PLEKHA7: variants seen among roughly 807,000 people sequenced by gnomAD.
The protein encoded by PLEKHA7 is pleckstrin homology domain containing A7.
PLEKHA7 carries 104 observed loss-of-function variants against 170.0 expected under a neutral mutation model. The ratio of observed to expected loss-of-function variants is 0.61; its 90% CI spans 0.52 to 0.72. The LOEUF is 0.72. Ranked by LOEUF, PLEKHA7 falls within the 30% of genes least tolerant of loss-of-function variation. PLEKHA7 has a pLI of 0.00. For synonymous variants in PLEKHA7, 648 were observed against 660.8 expected, an observed-to-expected ratio of 0.98 and a Z score of 0.30; for missense variants, 1,615 against 1,671.7, an observed-to-expected ratio of 0.97 and a Z score of 0.59.
In PLEKHA7 at chr11:16,826,171, T is replaced by C. The variant is rs145747179; in HGVS notation, c.1292A>G (p.Asn431Ser). The change falls in exon 10 of 27, where the codon AAT becomes AGT. Residue 431 changes from asparagine (N) to serine (S), a missense_variant. Coordinates refer to ENST00000531066, the MANE Select transcript of PLEKHA7 (RefSeq NM_001329630.2). ...NPEKHSQRKS[N>S]LAQVEHWARA... Reference sequence around the variant, plus strand: ...TGCCCAGTGCTCCACCTGGGCCAGATTGCTCTTCCTTTGGCTGTGTTTTTC... The same window carrying C: ...TGCCCAGTGCTCCACCTGGGCCAGACTGCTCTTCCTTTGGCTGTGTTTTTC... The C allele has an allele frequency of 5.1e-5, 83 of 1,614,218 alleles. No individual in the cohort carries two copies. In the African/African-American group the frequency reaches 7.6e-4, roughly 15 times the overall value.
At chr11:16,790,250 G>A (rs1847749031) in intron 21 of PLEKHA7, 1 of 262,936 alleles carries the variant, frequency 3.8e-6, no homozygotes, top group African/African-American at 2.2e-5. Flanking sequence ...AGGACAGTGA[G>A]AAGGACACTC....
chr11:16,852,233 T>A lies in PLEKHA7; in HGVS notation c.595+50A>T, dbSNP rs188540244. The A allele has an allele frequency of 6.6e-5, 101 of 1,525,138 alleles. 1 individual carries two copies. In the East Asian group the frequency reaches 2.0e-3, roughly 30 times the overall value. The allele number at this position is 1,525,138 out of a possible 1,614,324, so 94.5% of individuals were successfully genotyped here. A position where few individuals can be genotyped will look rare whatever the true frequency, so the allele number is the denominator to read the frequency against. Reference sequence around the variant, plus strand: ...AACCTGAAGTCACCAACCATCCACATATGTAAAACTGAACACTTCGGCAGG... The same window carrying A: ...AACCTGAAGTCACCAACCATCCACAAATGTAAAACTGAACACTTCGGCAGG... On this transcript the variant is annotated intron_variant, in intron 7 of 26. Coordinates refer to ENST00000531066, the MANE Select transcript of PLEKHA7 (RefSeq NM_001329630.2).
At chr11:16,895,534 G>A (rs1448867929) in intron 3 of PLEKHA7, among the ~76,000 whole-genome samples, 18 of 152,192 alleles carry the variant, frequency 1.2e-4, no homozygotes, top group Admixed American at 1.2e-3. Flanking sequence ...GATGCAGACA[G>A]CAGAGAGAGA....
intron 3 of PLEKHA7, among the ~76,000 whole-genome samples, chr11:16,996,543 C>T (rs887363484): frequency 3.3e-5 from 5 of 152,126 alleles, no homozygotes; most frequent in East Asian, 1.9e-4. Context: ...ATGGGAGAGC[C>T]GGGAAATGCT....
chr11:16,826,738 T>C, intron 9 of PLEKHA7, 148 bp from the exon 10 acceptor site: 1 of 733,770 alleles, frequency 1.4e-6, no homozygotes. Context: ...TCTGCCTGCC[T>C]AACTTCTGCT....
intron 3 of PLEKHA7, among the ~76,000 whole-genome samples, chr11:16,880,393 G>A (rs1452092505): frequency 2.0e-5 from 3 of 152,186 alleles, no homozygotes; most frequent in African/African-American, 7.2e-5. Flanking sequence ...ACTCTGCATT[G>A]TTGTTATAAA....
At position 16,854,909 on chromosome 11, in the gene PLEKHA7, TCAC is replaced by T. The variant is rs776486015; in HGVS notation, c.499_501del (p.Val167del). On this transcript the variant is annotated inframe_deletion, in exon 6 of 27. Transcript: ENST00000531066. The stretch of plus-strand genomic sequence containing the variant: ...CTCACCTGCTTGTGCAGCCAGCCCC[TCAC>T]CACCACGGGAACATTGGGGTTCCTC... 1.3e-5 allele frequency: 21 copies of T among 1,613,958 alleles called. 1 individual carries two copies. The highest frequency in any genetic ancestry group is 8.8e-5 in the South Asian group (8 of 91,072).
In PLEKHA7 at chr11:16,995,501, G is replaced by C. The variant is rs1038902695; in HGVS notation, c.221+18488C>G. On this transcript the variant is annotated intron_variant, in intron 3 of 26. Transcript: ENST00000531066. ...GTCTTCTGAGACTCATCCAGCCCCT[G>C]AACTGCTCCCTCCTGAGTGTTACTC... Among the ~76,000 whole-genome samples, 3 of 152,106 alleles carry C rather than the reference G, an allele frequency of 2.0e-5. 1 individual carries two copies. The highest frequency in any genetic ancestry group is 1.3e-4 in the Admixed American group (2 of 15,264).
chr11:16,866,994 C>A (rs188034282), intron 4 of PLEKHA7, among the ~76,000 whole-genome samples: 5 of 152,018 alleles, frequency 3.3e-5, no homozygotes, highest in African/African-American at 1.2e-4. Flanking sequence ...TTTTTCTTTT[C>A]TTTTATTCCC....
chr11:16,975,081 T>C lies in PLEKHA7; in HGVS notation c.221+38908A>G. 6.1e-6 allele frequency: 4 copies of C among 656,472 alleles called. 2 individuals carry two copies. The highest frequency in any genetic ancestry group is 8.5e-6 in the Non-Finnish European group (4 of 472,768). The allele number at this position is 656,472 out of a possible 1,614,324, so 40.7% of individuals were successfully genotyped here. ...ATATATACTATGTATATATGTACAGTTCTATGAGATTTCATCACATGCATA... is the reference window on the plus strand; with the variant it reads ...ATATATACTATGTATATATGTACAGCTCTATGAGATTTCATCACATGCATA... On this transcript the variant is annotated intron_variant, in intron 3 of 26. Coordinates refer to ENST00000531066, the MANE Select transcript of PLEKHA7 (RefSeq NM_001329630.2).
intron 3 of PLEKHA7, among the ~76,000 whole-genome samples, chr11:16,982,603 T>A (rs4757470): frequency 6.6e-6 from 1 of 152,072 alleles, no homozygotes; most frequent in African/African-American, 2.4e-5. Context: ...TCTAGGCCAA[T>A]GTGAAACCCG....
At chr11:16,793,879 A>C (rs1848026630) in intron 19 of PLEKHA7, among the ~76,000 whole-genome samples, 2 of 152,262 alleles carry the variant, frequency 1.3e-5, no homozygotes, top group Non-Finnish European at 2.9e-5. Flanking sequence ...ATAAAAGAGA[A>C]GGGCCAGGAG....
intron 13 of PLEKHA7, among the ~76,000 whole-genome samples, chr11:16,804,343 C>T (rs1446012557): frequency 1.3e-5 from 2 of 152,190 alleles, no homozygotes; most frequent in African/African-American, 4.8e-5. Flanking sequence ...GGACCGATAG[C>T]TGCTGGAGAG....
At chr11:16,907,406 C>T (rs12287641) in intron 3 of PLEKHA7, among the ~76,000 whole-genome samples, 248 of 132,550 alleles carry the variant, frequency 1.9e-3, no homozygotes, top group African/African-American at 6.6e-3. Context: ...GCCCCCCGCC[C>T]GGCCAGCCGC....
intron 3 of PLEKHA7, among the ~76,000 whole-genome samples, chr11:16,873,612 CAT>C (rs1181262401): frequency 9.9e-5 from 15 of 152,204 alleles, no homozygotes; most frequent in Non-Finnish European, 1.0e-4. Flanking sequence ...ATTCTTAACA[CAT>C]GTTTTAAAAA....
intron 13 of PLEKHA7, among the ~76,000 whole-genome samples, chr11:16,811,305 C>T (rs890427061): frequency 6.6e-6 from 1 of 152,194 alleles, no homozygotes; most frequent in Non-Finnish European, 1.5e-5. Context: ...GTGTTTTATA[C>T]TCACCTGTGC....
chr11:16,814,729 T>C (rs1270514009), intron 12 of PLEKHA7, among the ~76,000 whole-genome samples: 2 of 152,210 alleles, frequency 1.3e-5, no homozygotes, highest in East Asian at 1.9e-4. Flanking sequence ...TCCAGCTTAC[T>C]GTGAGGTTCA....
At chr11:16,832,498 T>A (rs1851196977) in intron 9 of PLEKHA7, among the ~76,000 whole-genome samples, 1 of 152,230 alleles carries the variant, frequency 6.6e-6, no homozygotes, top group African/African-American at 2.4e-5. Context: ...TGTTAACAGA[T>A]CTTACCAAGC....
At chr11:16,968,063 A>G (rs144722159) in intron 3 of PLEKHA7, among the ~76,000 whole-genome samples, 2 of 152,304 alleles carry the variant, frequency 1.3e-5, no homozygotes, top group African/African-American at 4.8e-5. Flanking sequence ...ACTTAGCCCA[A>G]GTCAAAACCC....
Sources: gnomAD v4.1 joint callset for allele counts (sites outside exome capture counted in the v4.1 genomes callset) on GRCh38, gnomAD v4.1.1 for gene constraint, MANE v1.5 for transcripts, NCBI Gene and HGNC (gene_info 2026-07-23, HGNC 2026-07-21) for gene names.